CYP19A1: variants seen among roughly 807,000 people sequenced by gnomAD.
CYP19A1 encodes aromatase.
Under a neutral mutation model 44.4 loss-of-function variants are expected in CYP19A1, and 32 were observed. The observed-to-expected ratio is 0.72, with a 90% CI of 0.54 to 0.97. CYP19A1 has a LOEUF of 0.97. Ranked by LOEUF, CYP19A1 falls within the 50% of genes least tolerant of loss-of-function variation. The pLI, the probability that CYP19A1 is intolerant of heterozygous loss-of-function variation, is 0.00. For synonymous variants in CYP19A1, 212 were observed against 215.6 expected (o/e 0.98, Z 0.14); for missense variants, 598 against 637.8 (o/e 0.94, Z 0.67).
intron 1 of CYP19A1, among the ~76,000 whole-genome samples, chr15:51,256,664 T>C (rs1293435455): frequency 6.6e-6 from 1 of 152,210 alleles, no homozygotes; most frequent in Non-Finnish European, 1.5e-5. Context: ...TCACATTCTA[T>C]AACCGGGTAA....
At chr15:51,231,796 G>A (rs2033058725) in intron 3 of CYP19A1, among the ~76,000 whole-genome samples, 4 of 151,922 alleles carry the variant, frequency 2.6e-5, no homozygotes. Context: ...AGCCCCAGCT[G>A]AAGACTTTAT....
chr15:51,231,926 T>C (rs1168167188), intron 3 of CYP19A1, among the ~76,000 whole-genome samples: 1 of 152,260 alleles, frequency 6.6e-6, no homozygotes, highest in South Asian at 2.1e-4. Flanking sequence ...TCCATGTCCC[T>C]ATTCAAGGCC....
At position 51,273,027 on chromosome 15, in the gene CYP19A1, C is replaced by T. The variant is rs563809075; in HGVS notation, c.-38-30077G>A. Among the ~76,000 whole-genome samples the T allele has an allele frequency of 1.4e-4, 22 of 152,030 alleles. No individual in the cohort carries two copies. In the South Asian group the frequency reaches 2.7e-3, roughly 19 times the overall value. ...AGGCTAGAGTGCAGTGGCATGATCT[C>T]GGCTCACTGCAACCTCCGCCCTTCT... On this transcript the variant is annotated intron_variant, in intron 1 of 9. Transcript: ENST00000396402.
At chr15:51,304,890 CTTTTTTTTTTTTT>C (rs545247348) in intron 1 of CYP19A1, among the ~76,000 whole-genome samples, 6 of 104,572 alleles carry the variant, frequency 5.7e-5, no homozygotes, top group Non-Finnish European at 8.8e-5. Context: ...GTGTCTCTTC[CTTTTTTTTTTTTT>C]TTTTTTTTTT....
intron 1 of CYP19A1, among the ~76,000 whole-genome samples, chr15:51,310,181 A>C (rs1351805298): frequency 6.6e-6 from 1 of 152,216 alleles, no homozygotes; most frequent in Non-Finnish European, 1.5e-5. Flanking sequence ...ATTGCACACT[A>C]TCTCCCTCAC....
chr15:51,260,805 C>T (rs1285582343), intron 1 of CYP19A1, among the ~76,000 whole-genome samples: 6 of 152,192 alleles, frequency 3.9e-5, no homozygotes, highest in Non-Finnish European at 7.3e-5. Context: ...GAGGGAGGGA[C>T]AATGATCAGG....
At chr15:51,314,885 C>T (rs1373206005) in intron 1 of CYP19A1, among the ~76,000 whole-genome samples, 2 of 152,158 alleles carry the variant, frequency 1.3e-5, no homozygotes, top group East Asian at 3.9e-4. Flanking sequence ...ACTTCCGACC[C>T]AGTCTCCAAA....
intron 1 of CYP19A1, among the ~76,000 whole-genome samples, chr15:51,280,571 C>T (rs948860333): frequency 6.6e-6 from 1 of 152,168 alleles, no homozygotes. Context: ...GTGACTTGGG[C>T]ACCATTCTGG....
chr15:51,249,190 C>T (rs893789423), intron 1 of CYP19A1, among the ~76,000 whole-genome samples: 10 of 152,182 alleles, frequency 6.6e-5, no homozygotes, highest in African/African-American at 2.2e-4. Flanking sequence ...ATTCACCTGC[C>T]ATGGCCTCCC....
chr15:51,273,117 A>T (rs2035187895), intron 1 of CYP19A1, among the ~76,000 whole-genome samples: 1 of 151,942 alleles, frequency 6.6e-6, no homozygotes, highest in African/African-American at 2.4e-5. Flanking sequence ...ACGTTACCAC[A>T]CCCAGCTAAT....
chr15:51,234,390 C>T (rs549846608), intron 3 of CYP19A1, among the ~76,000 whole-genome samples: 3 of 152,212 alleles, frequency 2.0e-5, no homozygotes, highest in Non-Finnish European at 4.4e-5. Flanking sequence ...TGCACCAGCG[C>T]CTGAGTCGGT....
rs1026789086 is a variant in CYP19A1 at position 51,208,270 on chromosome 15, G to C, written c.*2538C>G. 1 of 152,158 alleles carries C rather than the reference G, an allele frequency of 6.6e-6. No individual in the cohort carries two copies. Among genetic ancestry groups the C allele is most frequent in the East Asian group, 1.9e-4 (1 of 5,202 alleles). 9.4% of individuals were successfully genotyped at this position (152,158 alleles called of 1,614,324 possible). On this transcript the variant is annotated 3_prime_UTR_variant, in exon 10 of 10. Coordinates refer to ENST00000396402, the MANE Select transcript of CYP19A1 (RefSeq NM_000103.4). ...CAAATGGTATTTCTCAATAATGAGAGAGCTTGCTGGATGTGATTATTTTCC... is the reference window on the plus strand; with the variant it reads ...CAAATGGTATTTCTCAATAATGAGACAGCTTGCTGGATGTGATTATTTTCC...
At chr15:51,300,542 G>C (rs1395149246) in intron 1 of CYP19A1, among the ~76,000 whole-genome samples, 5 of 152,194 alleles carry the variant, frequency 3.3e-5, no homozygotes, top group Non-Finnish European at 5.9e-5. Context: ...TCAAGGCAGA[G>C]AGTTTCAAAA....
Position 51,208,289 on chromosome 15 carries a change from A to G in CYP19A1, c.*2519T>C, listed in dbSNP as rs1234949259. ...ATGAGAGAGCTTGCTGGATGTGATT[A>G]TTTTCCACTTGAGAGGGGGAAAATG... On this transcript the variant is annotated 3_prime_UTR_variant, in exon 10 of 10. Transcript: ENST00000396402. 3.3e-5 allele frequency: 5 copies of G among 152,136 alleles called. No individual in the cohort carries two copies. The highest frequency in any genetic ancestry group is 7.4e-5 in the Non-Finnish European group (5 of 68,000). The allele number at this position is 152,136 out of a possible 1,614,324, so 9.4% of individuals were successfully genotyped here.
intron 1 of CYP19A1, among the ~76,000 whole-genome samples, chr15:51,295,136 GT>G (rs71426072): frequency 0.059 from 7,751 of 131,316 alleles, 356 homozygotes; most frequent in African/African-American, 0.13. Flanking sequence ...TTAACAACGT[GT>G]TTTTTTTTTT....
chr15:51,299,438 C>T (rs1302131654), intron 1 of CYP19A1, among the ~76,000 whole-genome samples: 1 of 152,236 alleles, frequency 6.6e-6, no homozygotes, highest in African/African-American at 2.4e-5. Context: ...TGTCTTTCCT[C>T]CTCTACTCCT....
intron 1 of CYP19A1, among the ~76,000 whole-genome samples, chr15:51,295,946 T>C (rs1212303236): frequency 6.6e-6 from 1 of 152,074 alleles, no homozygotes; most frequent in Non-Finnish European, 1.5e-5. Context: ...CACATGAACG[T>C]TCTCAAGAAC....
At chr15:51,320,546 C>A (rs1166855518) in intron 1 of CYP19A1, among the ~76,000 whole-genome samples, 1 of 152,228 alleles carries the variant, frequency 6.6e-6, no homozygotes, top group East Asian at 1.9e-4. Context: ...TGTAAAGACA[C>A]TGGCAATTTC....
rs143680492 is a variant in CYP19A1, at chr15:51,280,341, A to G, written c.-38-37391T>C. Among the ~76,000 whole-genome samples the G allele has an allele frequency of 8.7e-3, 1,297 of 148,384 alleles. 25 individuals are homozygous for G. The highest frequency in any genetic ancestry group is 0.031 in the African/African-American group (1,256 of 40,126). On this transcript the variant is annotated intron_variant, in intron 1 of 9. Coordinates refer to ENST00000396402, the MANE Select transcript of CYP19A1 (RefSeq NM_000103.4). ...TCTTGATCTCCTGACCTCGTGATCCACCCCCCTTGGCCTCCCAAAGGGCTG... is the reference window on the plus strand; with the variant it reads ...TCTTGATCTCCTGACCTCGTGATCCGCCCCCCTTGGCCTCCCAAAGGGCTG...
Sources: allele counts gnomAD v4.1 joint callset (sites outside exome capture counted in the v4.1 genomes callset), GRCh38; gene constraint gnomAD v4.1.1; transcripts MANE v1.5; gene names NCBI Gene and HGNC (gene_info 2026-07-23, HGNC 2026-07-21).